Variants in TBCK observed in about 807,000 individuals in gnomAD.
The protein encoded by TBCK is TBC1 domain containing kinase.
Under a neutral mutation model 113.4 loss-of-function variants are expected in TBCK, and 99 were observed. The observed-to-expected ratio is 0.87, with a 90% confidence interval of 0.74 to 1.03. The LOEUF is 1.03. TBCK is among the 50% of genes least tolerant of loss of function. TBCK has a pLI of 0.00. For synonymous variants in TBCK, 369 were observed against 370.8 expected, an observed-to-expected ratio of 1.00 and a Z score of 0.05; for missense variants, 1,045 against 1,061.3, an observed-to-expected ratio of 0.98 and a Z score of 0.21.
chr4:106,196,287 AAGTAG>A (rs1263923302), intron 20 of TBCK, among the ~76,000 whole-genome samples: 1 of 151,874 alleles, frequency 6.6e-6, no homozygotes, highest in Non-Finnish European at 1.5e-5. Flanking sequence ...TAATTTATAA[AAGTAG>A]AGTAAAAATC....
At chr4:106,076,927 G>T (rs1228334374) in intron 25 of TBCK, among the ~76,000 whole-genome samples, 1 of 151,916 alleles carries the variant, frequency 6.6e-6, no homozygotes, top group African/African-American at 2.4e-5. Flanking sequence ...AGCAAAGAGA[G>T]ACCCTATCCC....
At chr4:106,215,010 G>T (rs527565881) in intron 19 of TBCK, among the ~76,000 whole-genome samples, 6 of 150,326 alleles carry the variant, frequency 4.0e-5, no homozygotes, top group Admixed American at 4.0e-4. Context: ...GACTAACAGC[G>T]GATCTCTCGG....
intron 19 of TBCK, among the ~76,000 whole-genome samples, chr4:106,224,899 A>C (rs887095857): frequency 1.3e-5 from 2 of 152,176 alleles, no homozygotes; most frequent in South Asian, 2.1e-4. Flanking sequence ...CCAGAATGCT[A>C]TCTCTTCTTT....
At chr4:106,241,213 A>T (rs893722834) in intron 12 of TBCK, among the ~76,000 whole-genome samples, 1 of 151,926 alleles carries the variant, frequency 6.6e-6, no homozygotes, top group African/African-American at 2.4e-5. Context: ...CTGATAACTG[A>T]TATACAGACA....
chr4:106,195,409 A>G (rs1172720926), intron 20 of TBCK, among the ~76,000 whole-genome samples: 1 of 151,830 alleles, frequency 6.6e-6, no homozygotes, highest in African/African-American at 2.4e-5. Context: ...TTTGTACAGA[A>G]TATTTCTGAG....
intron 22 of TBCK, among the ~76,000 whole-genome samples, chr4:106,185,565 TG>T (rs780343382): frequency 2.0e-5 from 3 of 152,148 alleles, no homozygotes; most frequent in Non-Finnish European, 4.4e-5. Context: ...ATGCTGTATT[TG>T]TTCCTGTGAC....
intron 3 of TBCK, among the ~76,000 whole-genome samples, chr4:106,287,969 C>T (rs1765285288): frequency 6.6e-6 from 1 of 152,052 alleles, no homozygotes; most frequent in South Asian, 2.1e-4. Context: ...TAAGCAATAA[C>T]TAATTCATAC....
At chr4:106,204,998 C>CTCA (rs1172606677) in intron 20 of TBCK, among the ~76,000 whole-genome samples, 95 of 151,870 alleles carry the variant, frequency 6.3e-4, no homozygotes, top group African/African-American at 2.2e-3. Flanking sequence ...ATCTCCTGAC[C>CTCA]TCATGATCCA....
At chr4:106,086,107 G>C (rs1014923936) in intron 25 of TBCK, among the ~76,000 whole-genome samples, 2 of 151,482 alleles carry the variant, frequency 1.3e-5, no homozygotes, top group Non-Finnish European at 2.9e-5. Context: ...AAGAATTGAA[G>C]GAGATAGAGA....
intron 23 of TBCK, among the ~76,000 whole-genome samples, chr4:106,121,729 A>G (rs1179641247): frequency 6.6e-6 from 1 of 152,192 alleles, no homozygotes; most frequent in Non-Finnish European, 1.5e-5. Context: ...CTTACTCAAA[A>G]CCACTCAACT....
rs1279642755 is a variant in TBCK at position 106,272,162 on chromosome 4, C to T, written c.267-9950G>A. 3.3e-5 allele frequency among the ~76,000 whole-genome samples: 5 copies of T among 152,054 alleles called. No homozygotes were observed. The East Asian group carries it at 9.6e-4, about 29-fold the overall frequency. On this transcript the variant is annotated intron_variant, in intron 3 of 25. Coordinates refer to ENST00000394708, the MANE Select transcript of TBCK (RefSeq NM_001163435.3). ...ACAGAACAAAGTTTAAACCCCTGGG[C>T]TATCTTTTTCTAATTGTCATCTAAC...
rs1733981732 is a variant in TBCK, at chr4:106,043,627, TTAG to T, written c.*2940_*2942del. 2 of 152,186 alleles carry T rather than the reference TTAG, an allele frequency of 1.3e-5. No homozygotes were observed. The highest frequency in any genetic ancestry group is 3.4e-3 in the Middle Eastern group (1 of 294). The allele number at this position is 152,186 out of a possible 1,614,324, so 9.4% of individuals were successfully genotyped here. On this transcript the variant is annotated 3_prime_UTR_variant, in exon 26 of 26. Coordinates refer to ENST00000394708, the MANE Select transcript of TBCK (RefSeq NM_001163435.3). ...ATTAGTAAATTATGAATGGAATGCT[TTAG>T]TAGATTTGGGGCTCTTAGTGCAGCA...
chr4:106,131,091 T>C (rs1224830886), intron 23 of TBCK, among the ~76,000 whole-genome samples: 1 of 152,148 alleles, frequency 6.6e-6, no homozygotes, highest in African/African-American at 2.4e-5. Flanking sequence ...GTTTCTCCCA[T>C]ACTGTTCTCA....
chr4:106,161,670 T>A (rs1419302682), intron 23 of TBCK, among the ~76,000 whole-genome samples: 1 of 151,756 alleles, frequency 6.6e-6, no homozygotes, highest in Non-Finnish European at 1.5e-5. Context: ...AAGGAATGGT[T>A]TGCAGCTTGT....
rs115362055 is a variant in TBCK, at chr4:106,308,644, A to C, written c.193+124T>G. On this transcript the variant is annotated intron_variant, in intron 2 of 25. Coordinates refer to ENST00000394708, the MANE Select transcript of TBCK (RefSeq NM_001163435.3). ...AGAGGCAGGGTGGGGGAAAAGGATG[A>C]GAGAAAGAAGGACATGTGTGCACTG... is the stretch of plus-strand genomic sequence containing the variant. The C allele has an allele frequency of 1.1e-3, 921 of 849,616 alleles. 9 individuals carry two copies. In the African/African-American group the frequency reaches 0.014, roughly 13 times the overall value. 52.6% of individuals were successfully genotyped at this position (849,616 alleles called of 1,614,324 possible).
At chr4:106,092,923 C>T (rs1357425388) in intron 25 of TBCK, among the ~76,000 whole-genome samples, 1 of 152,074 alleles carries the variant, frequency 6.6e-6, no homozygotes, top group African/African-American at 2.4e-5. Flanking sequence ...TGAGCGAGGG[C>T]TGCAAGGGCT....
intron 19 of TBCK, among the ~76,000 whole-genome samples, chr4:106,221,659 A>T (rs1408889403): frequency 1.3e-5 from 2 of 151,704 alleles, no homozygotes; most frequent in Non-Finnish European, 2.9e-5. Flanking sequence ...AAAGAATTCA[A>T]GAGTAGTTAC....
chr4:106,243,792 A>T (rs144955777), intron 11 of TBCK, among the ~76,000 whole-genome samples: 93 of 152,144 alleles, frequency 6.1e-4, no homozygotes, highest in East Asian at 4.9e-3. Context: ...GGCTCAGGTG[A>T]TTCTCCCACC....
chr4:106,212,554 A>C (rs1756271436), intron 20 of TBCK, among the ~76,000 whole-genome samples, 196 bp downstream of exon 20: 1 of 152,176 alleles, frequency 6.6e-6, no homozygotes, highest in South Asian at 2.1e-4. Context: ...GCTAAGAAAA[A>C]TGACTTATTT....
Sources: gnomAD v4.1 joint callset for allele counts (sites outside exome capture counted in the v4.1 genomes callset) on GRCh38, gnomAD v4.1.1 for gene constraint, MANE v1.5 for transcripts, NCBI Gene and HGNC (gene_info 2026-07-23, HGNC 2026-07-21) for gene names.